DNM2: variants seen among roughly 807,000 people sequenced by gnomAD.
DNM2 encodes the protein dynamin 2, also known as dynamin-2.
Under a neutral mutation model 99.0 loss-of-function variants are expected in DNM2, and 15 were observed. That is an observed-to-expected ratio of 0.15 (90% CI 0.10 to 0.23). The LOEUF (loss-of-function observed/expected upper bound fraction) is 0.23, where lower values mean the gene tolerates loss of function less well. Among genes scored for constraint, DNM2 ranks in the 10% least tolerant of loss-of-function variants. The pLI is 1.00. For synonymous variants in DNM2, 525 were observed against 481.2 expected (o/e 1.09, Z -1.19); for missense variants, 742 against 1,189.4 (o/e 0.62, Z 5.53).
At chr19:10,809,417 T>C (rs2146097196) in intron 14 of DNM2, 1 of 152,442 alleles carries the variant, frequency 6.6e-6, no homozygotes, top group East Asian at 1.9e-4. Flanking sequence ...GTGCTTCAGG[T>C]ATCTTGTACC....
At chr19:10,821,088 A>G (rs1599622222) in intron 16 of DNM2, among the ~76,000 whole-genome samples, 1 of 151,218 alleles carries the variant, frequency 6.6e-6, no homozygotes, top group Non-Finnish European at 1.5e-5. Flanking sequence ...TGGCCCCAGA[A>G]CCTCCTTGCC....
At chr19:10,734,878 C>A (rs1345533798) in intron 1 of DNM2, among the ~76,000 whole-genome samples, 1 of 150,414 alleles carries the variant, frequency 6.6e-6, no homozygotes, top group Non-Finnish European at 1.5e-5. Context: ...GTCTGGGAAG[C>A]AACTCAGCCC....
intron 1 of DNM2, among the ~76,000 whole-genome samples, chr19:10,718,917 C>T (rs1216064132): frequency 2.0e-5 from 3 of 152,166 alleles, no homozygotes; most frequent in African/African-American, 7.2e-5. Flanking sequence ...TCTGTCCAGT[C>T]CCACCTGGCA....
At position 10,765,735 on chromosome 19, in the gene DNM2, C is replaced by T. The variant is rs140305462; in HGVS notation, c.235+5924C>T. ...TGCATGAGTGGATCCTGCCTGCTGG[C>T]GTGGTAGCTAGGGTCTCCTGATGGT... On this transcript the variant is annotated intron_variant, in intron 2 of 20. Coordinates refer to ENST00000389253, the MANE Select transcript of DNM2 (RefSeq NM_001005361.3). This position sits in a 1 kb window ranked among gnomAD's most constrained non-coding sequence, Gnocchi z 4.4. Among the ~76,000 whole-genome samples the T allele has an allele frequency of 3.5e-3, 538 of 152,296 alleles. 13 individuals carry two copies. The East Asian group carries it at 0.056, about 16-fold the overall frequency.
intron 1 of DNM2, among the ~76,000 whole-genome samples, chr19:10,758,915 C>T (rs574923163): frequency 2.2e-4 from 34 of 152,242 alleles, no homozygotes; most frequent in African/African-American, 7.9e-4. Context: ...CGATCCATTT[C>T]AGAATTAGTG....
rs748520274 is a variant in DNM2 at position 10,796,162 on chromosome 19, A to G, written c.1196+723A>G. ...CTGAAATGTGTCGACCTGGTTATCC[A>G]GGAGCTAATCAATACAGTTAGGCAG... is the stretch of plus-strand genomic sequence containing the variant. On this transcript the variant is annotated intron_variant, in intron 9 of 20. Coordinates refer to ENST00000389253, the MANE Select transcript of DNM2 (RefSeq NM_001005361.3). This position sits in a 1 kb window ranked among gnomAD's most constrained non-coding sequence, Gnocchi z 5.6. 2.5e-6 allele frequency: 4 copies of G among 1,614,098 alleles called. No individual in the cohort carries two copies. Among genetic ancestry groups the G allele is most frequent in the Non-Finnish European group, 3.4e-6 (4 of 1,180,046 alleles).
At chr19:10,752,070 G>C (rs954612682) in intron 1 of DNM2, among the ~76,000 whole-genome samples, 2 of 152,152 alleles carry the variant, frequency 1.3e-5, no homozygotes, top group Non-Finnish European at 2.9e-5. Flanking sequence ...AGATAAGGTG[G>C]GCACGTAAAA....
At chr19:10,797,342 G>A in intron 9 of DNM2, 38 bp from the exon 10 acceptor site, 1 of 1,609,560 alleles carries the variant, frequency 6.2e-7, no homozygotes, top group African/African-American at 1.3e-5. Flanking sequence ...CTGTCCCTGG[G>A]TGTCTTTCTG....
chr19:10,767,487 T>C (rs1259866024), intron 2 of DNM2, among the ~76,000 whole-genome samples: 1 of 152,218 alleles, frequency 6.6e-6, no homozygotes, highest in African/African-American at 2.4e-5. Context: ...AATTTTTAAT[T>C]TTTTTGTACA....
intron 2 of DNM2, among the ~76,000 whole-genome samples, chr19:10,760,784 G>T (rs894568354): frequency 1.4e-5 from 2 of 138,896 alleles, no homozygotes; most frequent in Non-Finnish European, 3.1e-5. Context: ...TCAGCCTCTC[G>T]GGTAGCTAGG....
At chr19:10,752,510 C>G (rs763177323) in intron 1 of DNM2, among the ~76,000 whole-genome samples, 5 of 152,250 alleles carry the variant, frequency 3.3e-5, no homozygotes, top group Admixed American at 1.3e-4. Context: ...CAGGACAGCA[C>G]AGGCCACAGG....
chr19:10,750,154 C>G (rs1872325362), intron 1 of DNM2, among the ~76,000 whole-genome samples: 1 of 151,952 alleles, frequency 6.6e-6, no homozygotes, highest in Non-Finnish European at 1.5e-5. Context: ...TGGCCTGGGC[C>G]CATGGATAGG....
intron 1 of DNM2, among the ~76,000 whole-genome samples, chr19:10,756,064 A>G (rs890951498): frequency 2.6e-5 from 4 of 152,282 alleles, no homozygotes; most frequent in African/African-American, 9.6e-5. Context: ...GGCCAGGGCC[A>G]AGGCTACTTG....
chr19:10,808,623 G>A (rs1334534044), intron 14 of DNM2, 43 bp downstream of exon 14: 1 of 1,605,684 alleles, frequency 6.2e-7, no homozygotes, highest in Admixed American at 1.7e-5. Flanking sequence ...AGAGAATCTA[G>A]TGGTGATGGA....
In DNM2 at chr19:10,776,458, C is replaced by T. The variant is rs552333399; in HGVS notation, c.589+552C>T. ...CCCAGGGAGGGCACAGCTGTGGCCC[C>T]CTTGATGCCCAAATTGGCACCCACC... On this transcript the variant is annotated intron_variant, in intron 4 of 20. Transcript: ENST00000389253. 2.0e-5 allele frequency among the ~76,000 whole-genome samples: 3 copies of T among 152,014 alleles called. No individual in the cohort carries two copies. In the East Asian group the frequency reaches 5.8e-4, roughly 29 times the overall value.
chr19:10,751,393 C>G (rs373588523), intron 1 of DNM2, among the ~76,000 whole-genome samples: 1 of 152,046 alleles, frequency 6.6e-6, no homozygotes, highest in African/African-American at 2.4e-5. Flanking sequence ...TCTCAGAATG[C>G]GGATGGGATC....
rs1030973631 is a variant in DNM2 at position 10,812,722 on chromosome 19, G to A, written c.1671+345G>A. Among the ~76,000 whole-genome samples the A allele has an allele frequency of 1.4e-4, 21 of 152,316 alleles. No individual in the cohort carries two copies. Among genetic ancestry groups the A allele is most frequent in the Middle Eastern group, 6.8e-3 (2 of 294 alleles). On this transcript the variant is annotated intron_variant, in intron 15 of 20. Coordinates refer to ENST00000389253, the MANE Select transcript of DNM2 (RefSeq NM_001005361.3). The surrounding 1 kb of genome is among the most constrained non-coding windows in gnomAD (Gnocchi z 4.0). Reference sequence around the variant, plus strand: ...GAATCGTTTGAACCCGGGAGGCGGAGGTTGCAGTGAGCCGAGATTGCGCCA... The same window carrying A: ...GAATCGTTTGAACCCGGGAGGCGGAAGTTGCAGTGAGCCGAGATTGCGCCA...
At chr19:10,729,746 C>A (rs778791500) in intron 1 of DNM2, among the ~76,000 whole-genome samples, 7 of 152,186 alleles carry the variant, frequency 4.6e-5, no homozygotes, top group Non-Finnish European at 1.0e-4. Context: ...TCCCTTCCTC[C>A]AGCTCTACCT....
intron 6 of DNM2, 103 bp downstream of exon 6, chr19:10,783,223 T>C (rs750519475): frequency 6.5e-7 from 1 of 1,541,852 alleles, no homozygotes; most frequent in Non-Finnish European, 8.8e-7. Flanking sequence ...CAGCACTTGT[T>C]TTAGCAAAAT....
Sources: allele counts gnomAD v4.1 joint callset (sites outside exome capture counted in the v4.1 genomes callset), GRCh38; gene constraint gnomAD v4.1.1; non-coding constraint Gnocchi (gnomAD v3.1); transcripts MANE v1.5; gene names NCBI Gene and HGNC (gene_info 2026-07-23, HGNC 2026-07-21).